IFT88: variants seen among roughly 807,000 people sequenced by gnomAD.
The protein encoded by IFT88 is intraflagellar transport protein 88 homolog.
Under a neutral mutation model 119.5 loss-of-function variants are expected in IFT88, and 74 were observed. That is an observed-to-expected ratio of 0.62 (90% CI 0.51 to 0.75). The LOEUF is 0.75. Among genes scored for constraint, IFT88 ranks in the 30% least tolerant of loss-of-function variants. The pLI, the probability that IFT88 is intolerant of heterozygous loss-of-function variation, is 0.00. For missense variants in IFT88, 961 were observed against 977.7 expected (o/e 0.98, Z 0.23); for synonymous variants, 279 against 316.7 (o/e 0.88, Z 1.26).
intron 24 of IFT88, among the ~76,000 whole-genome samples, chr13:20,685,518 G>A (rs189118268): frequency 1.3e-5 from 2 of 152,274 alleles, no homozygotes; most frequent in East Asian, 1.9e-4. Flanking sequence ...CTGCTGGGGG[G>A]AGTTCTAAGT....
rs764593932 is a variant in IFT88 at position 20,653,856 on chromosome 13, CTCAT to C, written c.1950-18_1950-15del. The C allele has an allele frequency of 6.9e-7, 1 of 1,443,100 alleles. No individual in the cohort carries two copies. Among genetic ancestry groups the C allele is most frequent in the South Asian group, 1.3e-5 (1 of 74,132 alleles). The allele number at this position is 1,443,100 out of a possible 1,614,324, so 89.4% of individuals were successfully genotyped here. A position where few individuals can be genotyped will look rare whatever the true frequency, so the allele number is the denominator to read the frequency against. On this transcript the variant is annotated splice_polypyrimidine_tract_variant and intron_variant, in intron 20 of 25. Coordinates refer to ENST00000351808, the MANE Select transcript of IFT88 (RefSeq NM_006531.5). ...CAGATTTTTTTATCTCTAATTTCAT[CTCAT>C]TTATTTATTTTATAGGCCTACACAA... is the stretch of plus-strand genomic sequence containing the variant.
intron 7 of IFT88, among the ~76,000 whole-genome samples, chr13:20,594,255 T>G (rs1295770755): frequency 6.6e-6 from 1 of 152,152 alleles, no homozygotes; most frequent in African/African-American, 2.4e-5. Context: ...AAGAGAGTGT[T>G]GAGAGTTCAA....
chr13:20,588,776 A>G (rs1002274615), intron 3 of IFT88, among the ~76,000 whole-genome samples: 1 of 152,214 alleles, frequency 6.6e-6, no homozygotes, highest in East Asian at 1.9e-4. Flanking sequence ...TACTAGCAGC[A>G]GTAGGAATCC....
chr13:20,640,424 T>C (rs377749245), intron 17 of IFT88, among the ~76,000 whole-genome samples: 2 of 151,528 alleles, frequency 1.3e-5, no homozygotes, highest in East Asian at 3.9e-4. Flanking sequence ...ATATAAAAAA[T>C]TAGCCAGGCG....
At chr13:20,571,202 G>A (rs1343365991) in intron 1 of IFT88, among the ~76,000 whole-genome samples, 4 of 152,038 alleles carry the variant, frequency 2.6e-5, no homozygotes, top group African/African-American at 9.7e-5. Context: ...CACCATATTA[G>A]CCAGGATGGT....
intron 3 of IFT88, among the ~76,000 whole-genome samples, chr13:20,587,009 T>C (rs1466619311): frequency 6.6e-6 from 1 of 152,220 alleles, no homozygotes; most frequent in African/African-American, 2.4e-5. Flanking sequence ...TTTAGAAGTA[T>C]ATTTAATTTC....
chr13:20,588,519 C>T (rs2040116428), intron 3 of IFT88, among the ~76,000 whole-genome samples: 1 of 152,098 alleles, frequency 6.6e-6, no homozygotes, highest in Non-Finnish European at 1.5e-5. Flanking sequence ...GGCTCTATGT[C>T]TGCACTACTC....
intron 3 of IFT88, among the ~76,000 whole-genome samples, chr13:20,584,690 T>C (rs1191437148): frequency 6.6e-6 from 1 of 152,228 alleles, no homozygotes; most frequent in East Asian, 1.9e-4. Flanking sequence ...TTGTTTGTAG[T>C]TGAAAATAAA....
chr13:20,658,060 C>T (rs1594716726), intron 22 of IFT88, among the ~76,000 whole-genome samples: 2 of 151,836 alleles, frequency 1.3e-5, no homozygotes, highest in East Asian at 1.9e-4. Context: ...TTCACAAATA[C>T]CAGTCAGGAA....
intron 24 of IFT88, among the ~76,000 whole-genome samples, chr13:20,678,336 C>T (rs2056931252): frequency 6.6e-6 from 1 of 152,178 alleles, no homozygotes; most frequent in Non-Finnish European, 1.5e-5. Flanking sequence ...CAGAGTGGGA[C>T]CAGGGGGCTG....
intron 15 of IFT88, 51 bp from the exon 16 acceptor site, chr13:20,630,965 T>C: frequency 4.3e-6 from 5 of 1,163,974 alleles, no homozygotes; most frequent in Non-Finnish European, 6.4e-6. Flanking sequence ...ACCATAAGCT[T>C]GAGTACTGTC....
At position 20,605,104 on chromosome 13, in the gene IFT88, AG is replaced by A. The variant is rs2043197401; in HGVS notation, c.1112+1del. The A allele has an allele frequency of 7.2e-7, 1 of 1,386,260 alleles. No individual in the cohort carries two copies. Among genetic ancestry groups the A allele is most frequent in the Non-Finnish European group, 1.0e-6 (1 of 984,288 alleles). 85.9% of individuals were successfully genotyped at this position (1,386,260 alleles called of 1,614,324 possible). ...NDHLRQMERE[R>X]KAMAEKYIMT... ...TCACCTCAGGCAAATGGAACGTGAA[AG>A]GTAATATTTTAAACTTAATAACGTA... On this transcript the variant is annotated frameshift_variant and splice_region_variant, in exon 13 of 26. Transcript: ENST00000351808. LOFTEE classifies it high-confidence loss of function.
intron 24 of IFT88, among the ~76,000 whole-genome samples, chr13:20,674,722 A>T (rs10716084): frequency 0.049 from 2,071 of 42,582 alleles, 102 homozygotes; most frequent in African/African-American, 0.17. Flanking sequence ...ATATATATAT[A>T]TATTTTTTTT....
chr13:20,635,659 G>A (rs765579543), intron 16 of IFT88, among the ~76,000 whole-genome samples: 15 of 152,264 alleles, frequency 9.9e-5, no homozygotes, highest in African/African-American at 3.6e-4. Flanking sequence ...TCATTCATAA[G>A]TGAGAGTTGA....
intron 3 of IFT88, among the ~76,000 whole-genome samples, chr13:20,586,084 G>T (rs1593827029): frequency 1.3e-5 from 2 of 152,144 alleles, no homozygotes; most frequent in East Asian, 3.8e-4. Context: ...TGCCAGGTGG[G>T]CCTTCAAAAG....
rs572670017 is a variant in IFT88 at position 20,641,471 on chromosome 13, A to C, written c.1682+73A>C. ...GTGATTGAAGATCAATTATTAAATAAGTTTAACTAATGAAGTAATTGATGA... is the reference window on the plus strand; with the variant it reads ...GTGATTGAAGATCAATTATTAAATACGTTTAACTAATGAAGTAATTGATGA... On this transcript the variant is annotated intron_variant, in intron 18 of 25. Transcript: ENST00000351808. 203 of 861,592 alleles carry C rather than the reference A, an allele frequency of 2.4e-4. 2 individuals carry two copies. The highest frequency in any genetic ancestry group is 7.8e-4 in the South Asian group (50 of 63,698). The allele number at this position is 861,592 out of a possible 1,614,324, so 53.4% of individuals were successfully genotyped here. A position where few individuals can be genotyped will look rare whatever the true frequency, so the allele number is the denominator to read the frequency against.
intron 16 of IFT88, among the ~76,000 whole-genome samples, chr13:20,637,020 T>C (rs1255160620): frequency 1.3e-5 from 2 of 152,232 alleles, no homozygotes; most frequent in Non-Finnish European, 2.9e-5. Context: ...AAAAATATTA[T>C]GCTAAGTGAA....
intron 24 of IFT88, among the ~76,000 whole-genome samples, chr13:20,671,820 T>C (rs2055918133): frequency 6.6e-6 from 1 of 152,218 alleles, no homozygotes; most frequent in Non-Finnish European, 1.5e-5. Flanking sequence ...CTCATGCATA[T>C]ATGACCTAGC....
intron 20 of IFT88, among the ~76,000 whole-genome samples, chr13:20,651,881 T>A (rs1275950271): frequency 6.6e-6 from 1 of 152,158 alleles, no homozygotes; most frequent in Non-Finnish European, 1.5e-5. Flanking sequence ...ATAAATAAAA[T>A]GGAATATTAT....
Sources: allele counts gnomAD v4.1 joint callset (sites outside exome capture counted in the v4.1 genomes callset), GRCh38; gene constraint gnomAD v4.1.1; transcripts MANE v1.5; gene names NCBI Gene and HGNC (gene_info 2026-07-23, HGNC 2026-07-21).